SMC2: variants seen among roughly 807,000 people sequenced by gnomAD.
SMC2 encodes the protein structural maintenance of chromosomes protein 2.
SMC2 carries 41 observed loss-of-function variants against 142.6 expected under a neutral mutation model. That is an observed-to-expected ratio of 0.29 (90% CI 0.22 to 0.37). The LOEUF (loss-of-function observed/expected upper bound fraction) is 0.37, where lower values mean the gene tolerates loss of function less well. Among genes scored for constraint, SMC2 ranks in the 10% least tolerant of loss-of-function variants. The pLI is 1.00. For missense variants in SMC2, 1,265 were observed against 1,373.7 expected, an observed-to-expected ratio of 0.92 and a Z score of 1.25; for synonymous variants, 463 against 457.5, an observed-to-expected ratio of 1.01 and a Z score of -0.15.
In SMC2 at chr9:104,118,230, G is replaced by C; in HGVS notation, c.1851G>C (p.Gln617His). The C allele has an allele frequency of 6.2e-7, 1 of 1,613,812 alleles. No homozygotes were observed. Among genetic ancestry groups the C allele is most frequent in the Non-Finnish European group, 8.5e-7 (1 of 1,179,800 alleles). ...LSLVEYKPELQKAMEFVFGTT... is the reference protein window; with the variant it reads ...LSLVEYKPELHKAMEFVFGTT... ...TGGTTGAATATAAACCAGAACTTCA[G>C]AAAGCAATGGAGTTTGTCTTTGGAA... The change falls in exon 15 of 25, where the codon CAG (glutamine) becomes CAC (histidine). Residue 617 changes from glutamine to histidine, a missense_variant. Transcript: ENST00000374793.
At chr9:104,104,336 A>G (rs1210426850) in intron 9 of SMC2, among the ~76,000 whole-genome samples, 3 of 152,206 alleles carry the variant, frequency 2.0e-5, no homozygotes, top group African/African-American at 4.8e-5. Flanking sequence ...ATAGGCAACA[A>G]GGGAAAACAG....
At chr9:104,129,460 C>T (rs1834693104) in intron 20 of SMC2, among the ~76,000 whole-genome samples, 185 bp from the exon 21 acceptor site, 1 of 151,054 alleles carries the variant, frequency 6.6e-6, no homozygotes, top group African/African-American at 2.4e-5. Context: ...CAAGATCGCG[C>T]CATTGCACTC....
chr9:104,098,611 G>T, intron 4 of SMC2, 43 bp downstream of exon 4: 1 of 1,552,190 alleles, frequency 6.4e-7, no homozygotes, highest in South Asian at 1.2e-5. Flanking sequence ...TAATAGTTTC[G>T]ACATTTTTTA....
chr9:104,099,753 AAATATTCT>A lies in SMC2; in HGVS notation c.480+73_480+80del, dbSNP rs546475388. ...TACTTTAATCTTTCAGACAATTTTT[AAATATTCT>A]ATTAAAATTTTTGGAGACATTATTT... On this transcript the variant is annotated intron_variant, in intron 5 of 24. Coordinates refer to ENST00000374793, the MANE Select transcript of SMC2 (RefSeq NM_006444.3). 1.8e-3 allele frequency: 1,754 copies of A among 976,116 alleles called. 1 individual carries two copies. The highest frequency in any genetic ancestry group is 2.4e-3 in the Non-Finnish European group (1,555 of 638,074). The allele number at this position is 976,116 out of a possible 1,614,324, so 60.5% of individuals were successfully genotyped here.
In SMC2 at chr9:104,131,652, T is replaced by TC. The variant is rs1179874167; in HGVS notation, c.2992-357_2992-356insC. Among the ~76,000 whole-genome samples the TC allele has an allele frequency of 4.3e-4, 59 of 138,106 alleles. 1 individual carries two copies. Among genetic ancestry groups the TC allele is most frequent in the Admixed American group, 6.9e-4 (10 of 14,482 alleles). The allele number at this position is 138,106 out of a possible 152,430, so 90.6% of individuals were successfully genotyped here. A position where few individuals can be genotyped will look rare whatever the true frequency, so the allele number is the denominator to read the frequency against. On this transcript the variant is annotated intron_variant, in intron 21 of 24. Transcript: ENST00000374793. ...TTTACTTAAGTTTATATGTAACACT[T>TC]TTTTTTTTTTTTTTTGCCTTGGCTG... is the stretch of plus-strand genomic sequence containing the variant.
intron 20 of SMC2, among the ~76,000 whole-genome samples, chr9:104,129,259 T>C (rs938453138): frequency 2.0e-5 from 3 of 152,100 alleles, no homozygotes; most frequent in Non-Finnish European, 4.4e-5. Context: ...TCCCAGCACT[T>C]TGGGAGGCCG....
intron 18 of SMC2, 41 bp downstream of exon 18, chr9:104,125,146 C>A: frequency 7.2e-7 from 1 of 1,395,556 alleles, no homozygotes; most frequent in South Asian, 1.4e-5. Context: ...CTTTTAAAGT[C>A]AACATAGAGC....
At position 104,096,222 on chromosome 9, in the gene SMC2, C is replaced by G. The variant is rs775387245; in HGVS notation, c.243C>G (p.Ile81Met). 1.2e-6 allele frequency: 2 copies of G among 1,613,708 alleles called. No individual in the cohort carries two copies. Among genetic ancestry groups the G allele is most frequent in the Admixed American group, 3.3e-5 (2 of 60,010 alleles). ...GTATTACCAAAGCCTCTGTGTCAATCACTTTTGATAATTCTGACAAAAAGC... is the reference window on the plus strand; with the variant it reads ...GTATTACCAAAGCCTCTGTGTCAATGACTTTTGATAATTCTGACAAAAAGC... The part of the protein sequence containing the change: ...QAGITKASVS[I>M]TFDNSDKKQS... The change falls in exon 3 of 25, where the codon ATC becomes ATG. Residue 81 changes from isoleucine to methionine, a missense_variant. This residue lies in a region of SMC2 where 168 missense variants were observed against 184.8 expected (regional missense o/e 0.91). Coordinates refer to ENST00000374793, the MANE Select transcript of SMC2 (RefSeq NM_006444.3).
rs986242149 is a variant in SMC2 at position 104,099,486 on chromosome 9, C to T, written c.442-158C>T. 9.9e-5 allele frequency among the ~76,000 whole-genome samples: 15 copies of T among 151,826 alleles called. 1 individual carries two copies. Among genetic ancestry groups the T allele is most frequent in the African/African-American group, 3.4e-4 (14 of 41,372 alleles). On this transcript the variant is annotated intron_variant, in intron 4 of 24. Transcript: ENST00000374793. ...GGTGAGAAAGTGAATAGCAAAGTTC[C>T]AAAATTCTAGAATCATAGAAGAATT...
intron 16 of SMC2, among the ~76,000 whole-genome samples, chr9:104,121,791 T>G (rs1200315126): frequency 6.6e-6 from 1 of 152,086 alleles, no homozygotes; most frequent in Non-Finnish European, 1.5e-5. Context: ...ATTTGTCTTT[T>G]TCTTTTTTTT....
At chr9:104,131,723 C>CT (rs998166342) in intron 21 of SMC2, among the ~76,000 whole-genome samples, 1 of 145,948 alleles carries the variant, frequency 6.9e-6, no homozygotes, top group African/African-American at 2.5e-5. Context: ...ATTTTAAGGA[C>CT]TTTGTCTTAT....
At chr9:104,097,014 G>T (rs1270965858) in intron 3 of SMC2, among the ~76,000 whole-genome samples, 8 of 151,214 alleles carry the variant, frequency 5.3e-5, no homozygotes, top group South Asian at 4.2e-4. Flanking sequence ...GAGCATTGGG[G>T]TGTTCATAAT....
At chr9:104,096,392 C>T in intron 3 of SMC2, 95 bp downstream of exon 3, 1 of 1,210,074 alleles carries the variant, frequency 8.3e-7, no homozygotes, top group Non-Finnish European at 1.2e-6. Context: ...AGAGAAAGTT[C>T]ATGAGCAAAA....
chr9:104,118,340 G>T lies in SMC2; in HGVS notation c.1961G>T (p.Gly654Val). The T allele has an allele frequency of 1.9e-6, 3 of 1,613,628 alleles. No homozygotes were observed. Among genetic ancestry groups the T allele is most frequent in the Non-Finnish European group, 2.5e-6 (3 of 1,179,652 alleles). ...ATGACTAGAACTGTAACTCTCGGAG[G>T]TGATGTGTTTGATCCTCATGGGACA... ...RIMTRTVTLG[G>V]DVFDPHGTLS... is the part of the protein sequence containing the mutation. Residue 654 changes from glycine to valine, a missense_variant, in exon 15 of 25, where the codon GGT becomes GTT. Gly to Val is a moderately radical substitution (Grantham distance 109). Coordinates refer to ENST00000374793, the MANE Select transcript of SMC2 (RefSeq NM_006444.3).
At chr9:104,134,321 A>G (rs1040085007) in intron 22 of SMC2, 94 bp from the exon 23 acceptor site, 1 of 873,672 alleles carries the variant, frequency 1.1e-6, no homozygotes, top group Non-Finnish European at 1.7e-6. Context: ...GTAATAGACA[A>G]AGTAGACCTG....
rs1564083180 is a variant in SMC2, at chr9:104,109,831, A to G, written c.1021-1750A>G. ...TCTATTTTATCATTTACTACCATAA[A>G]ATATACAAAAATCTATTATAAAAAG... On this transcript the variant is annotated intron_variant, in intron 9 of 24. Coordinates refer to ENST00000374793, the MANE Select transcript of SMC2 (RefSeq NM_006444.3). Among the ~76,000 whole-genome samples, 4 of 152,334 alleles carry G rather than the reference A, an allele frequency of 2.6e-5. No homozygotes were observed. The South Asian group carries it at 8.3e-4, about 32-fold the overall frequency.
At chr9:104,120,774 A>C (rs1433436995) in intron 16 of SMC2, among the ~76,000 whole-genome samples, 1 of 152,150 alleles carries the variant, frequency 6.6e-6, no homozygotes, top group African/African-American at 2.4e-5. Context: ...TATTTTTTCA[A>C]TATTGGGATC....
chr9:104,111,473 T>C, intron 9 of SMC2, 108 bp from the exon 10 acceptor site: 2 of 632,134 alleles, frequency 3.2e-6, no homozygotes. Context: ...TATTTTATTA[T>C]GCTCACTCCA....
At chr9:104,096,458 G>C (rs1234353321) in intron 3 of SMC2, among the ~76,000 whole-genome samples, 161 bp downstream of exon 3, 1 of 152,214 alleles carries the variant, frequency 6.6e-6, no homozygotes, top group Non-Finnish European at 1.5e-5. Context: ...TTAAAATCTT[G>C]ATCATGCACA....
Sources: gnomAD v4.1 joint callset for allele counts (sites outside exome capture counted in the v4.1 genomes callset) on GRCh38, gnomAD v4.1.1 for gene constraint, gnomAD v4.1.1 regional missense constraint, MANE v1.5 for transcripts, NCBI Gene and HGNC (gene_info 2026-07-23, HGNC 2026-07-21) for gene names.